Variants in HABP2 observed in about 807,000 individuals in gnomAD.
The protein encoded by HABP2 is hyaluronan binding protein 2.
Under a neutral mutation model 66.5 loss-of-function variants are expected in HABP2, and 65 were observed. The observed-to-expected ratio is 0.98, with a 90% CI of 0.80 to 1.20. The LOEUF (loss-of-function observed/expected upper bound fraction) is 1.20, where lower values mean the gene tolerates loss of function less well. Among genes scored for constraint, HABP2 ranks in the 50% most tolerant of loss-of-function variants. HABP2 has a pLI of 0.00. For missense variants in HABP2, 786 were observed against 691.0 expected, an observed-to-expected ratio of 1.14 and a Z score of -1.54; for synonymous variants, 263 against 253.9, an observed-to-expected ratio of 1.04 and a Z score of -0.34.
chr10:113,553,714 T>C (rs1398445898), intron 1 of HABP2, among the ~76,000 whole-genome samples: 1 of 152,246 alleles, frequency 6.6e-6, no homozygotes, highest in Non-Finnish European at 1.5e-5. Flanking sequence ...TTGTGTTTAG[T>C]ACTTTGTCTC....
At chr10:113,564,069 T>C (rs1479854674) in intron 1 of HABP2, among the ~76,000 whole-genome samples, 2 of 152,138 alleles carry the variant, frequency 1.3e-5, no homozygotes, top group East Asian at 1.9e-4. Context: ...AGAGGTTTAA[T>C]AGACTCACAG....
upstream of HABP2, among the ~76,000 whole-genome samples, chr10:113,552,130 T>A (rs1332400905): frequency 6.6e-6 from 1 of 152,022 alleles, no homozygotes; most frequent in African/African-American, 2.4e-5. Flanking sequence ...GCAGTCCACG[T>A]GCCAAACAGG....
Position 113,589,171 on chromosome 10 carries a change from G to A in HABP2, c.*802G>A, listed in dbSNP as rs906240762. ...CCACAGGACACGCTAAGAAGCACAG[G>A]GAGCATTTAACAGGCTCACCCTCCC... On this transcript the variant is annotated 3_prime_UTR_variant, in exon 13 of 13. Transcript: ENST00000351270. The A allele has an allele frequency of 2.9e-6, 3 of 1,025,416 alleles. No individual in the cohort carries two copies. The highest frequency in any genetic ancestry group is 3.2e-5 in the African/African-American group (2 of 62,944). The allele number at this position is 1,025,416 out of a possible 1,614,324, so 63.5% of individuals were successfully genotyped here. A position where few individuals can be genotyped will look rare whatever the true frequency, so the allele number is the denominator to read the frequency against.
At position 113,558,648 on chromosome 10, in the gene HABP2, C is replaced by T. The variant is rs867412427; in HGVS notation, c.69+5458C>T. Among the ~76,000 whole-genome samples, 22 of 152,196 alleles carry T rather than the reference C, an allele frequency of 1.4e-4. 1 individual carries two copies. Among genetic ancestry groups the T allele is most frequent in the African/African-American group, 4.6e-4 (19 of 41,450 alleles). ...CACCATCTCAATCAACTCAGATACC[C>T]GCAGTGGCTCACATCTGATGCCACG... On this transcript the variant is annotated intron_variant, in intron 1 of 12. Coordinates refer to ENST00000351270, the MANE Select transcript of HABP2 (RefSeq NM_004132.5).
At position 113,574,393 on chromosome 10, in the gene HABP2, G is replaced by A. The variant is rs774432854; in HGVS notation, c.211G>A (p.Glu71Lys). The A allele has an allele frequency of 3.3e-6, 5 of 1,520,818 alleles. No homozygotes were observed. The South Asian group carries it at 3.4e-5, about 10-fold the overall frequency. 94.2% of individuals were successfully genotyped at this position (1,520,818 alleles called of 1,614,324 possible). The part of the protein sequence containing the change: ...HAENPDWYYT[E>K]DQADPCQPNP... ...TGAGAATCCTGACTGGTACTACACT[G>A]AGGACCAAGCTGGTAGGTACCAAAT... is the stretch of plus-strand genomic sequence containing the variant. Residue 71 changes from glutamate (E) to lysine (K), a missense_variant, in exon 3 of 13, where the codon GAG becomes AAG. By Grantham distance (56) the Glu-to-Lys change is moderately conservative. Transcript: ENST00000351270.
In HABP2 at chr10:113,567,991, T is replaced by C. The variant is rs11575712; in HGVS notation, c.106+466T>C. 6.8e-3 allele frequency among the ~76,000 whole-genome samples: 1,040 copies of C among 152,342 alleles called. 8 individuals carry two copies. Among genetic ancestry groups the C allele is most frequent in the African/African-American group, 0.024 (988 of 41,578 alleles). ...GATACCCTCACACCAGCACCTCTGC[T>C]GTTGTCTTCTCTGCCCAAATGGTTT... On this transcript the variant is annotated intron_variant, in intron 2 of 12. Coordinates refer to ENST00000351270, the MANE Select transcript of HABP2 (RefSeq NM_004132.5).
chr10:113,589,296 C>A lies in HABP2; in HGVS notation c.*927C>A, dbSNP rs1422269528. The A allele has an allele frequency of 1.2e-5, 7 of 584,120 alleles. No individual in the cohort carries two copies. Among genetic ancestry groups the A allele is most frequent in the Non-Finnish European group, 1.8e-5 (6 of 330,798 alleles). The allele number at this position is 584,120 out of a possible 1,614,324, so 36.2% of individuals were successfully genotyped here. ...CTCATTTAGACCTGGCTTCTTTCTT[C>A]TGAACAAAGTAGGGTTCAAAATGCA... On this transcript the variant is annotated 3_prime_UTR_variant, in exon 13 of 13. Transcript: ENST00000351270.
chr10:113,566,310 C>T (rs1461341600), intron 1 of HABP2, among the ~76,000 whole-genome samples: 2 of 152,204 alleles, frequency 1.3e-5, no homozygotes, highest in African/African-American at 4.8e-5. Context: ...GGTTGTTTTC[C>T]AATAAAACTT....
chr10:113,552,554 C>G (rs961500070), upstream of HABP2, among the ~76,000 whole-genome samples: 1 of 152,170 alleles, frequency 6.6e-6, no homozygotes, highest in African/African-American at 2.4e-5. Flanking sequence ...AGCCAACAAG[C>G]AACTGTGGGC....
Position 113,577,160 on chromosome 10 carries a change from G to C in HABP2, c.342G>C (p.Thr114=). The part of the protein sequence containing the change: ...SGNKCQKVQN[T]CKDNPCGRGQ... ...ATGGATCTCCTACAGTGCAAAATAC[G>C]TGCAAGGACAACCCATGTGGCCGGG... is the stretch of plus-strand genomic sequence containing the variant. Residue 114 remains threonine (T), a synonymous_variant, in exon 5 of 13, where the codon ACG becomes ACC. Coordinates refer to ENST00000351270, the MANE Select transcript of HABP2 (RefSeq NM_004132.5). The C allele has an allele frequency of 6.3e-7, 1 of 1,598,724 alleles. No individual in the cohort carries two copies. Among genetic ancestry groups the C allele is most frequent in the African/African-American group, 1.3e-5 (1 of 74,670 alleles).
intron 12 of HABP2, among the ~76,000 whole-genome samples, chr10:113,586,360 C>G (rs1014009794): frequency 4.0e-5 from 6 of 151,392 alleles, no homozygotes; most frequent in Non-Finnish European, 8.8e-5. Context: ...TCCCAGTAAA[C>G]AGGGAACTGT....
chr10:113,589,064 C>G lies in HABP2; in HGVS notation c.*695C>G. On this transcript the variant is annotated 3_prime_UTR_variant, in exon 13 of 13. Transcript: ENST00000351270. ...CCACTCTGATGATCTCCAGCCTCCA[C>G]TGCTTCTGCCCCCCGCTGCTGAAAT... is the stretch of plus-strand genomic sequence containing the variant. 1 of 1,613,992 alleles carries G rather than the reference C, an allele frequency of 6.2e-7. No homozygotes were observed.
At chr10:113,563,560 G>GGGCCC (rs1845139252) in intron 1 of HABP2, among the ~76,000 whole-genome samples, 1 of 151,534 alleles carries the variant, frequency 6.6e-6, no homozygotes, top group Non-Finnish European at 1.5e-5. Context: ...GGCTCCCCGA[G>GGGCCC]AGCCCAGCCC....
In HABP2 at chr10:113,577,175, A is replaced by G. The variant is rs545833987; in HGVS notation, c.357A>G (p.Pro119=). Residue 119 remains proline, a synonymous_variant, in exon 5 of 13, where the codon CCA becomes CCG. Transcript: ENST00000351270. ...QKVQNTCKDN[P]CGRGQCLITQ... ...TGCAAAATACGTGCAAGGACAACCC[A>G]TGTGGCCGGGGCCAATGTCTCATTA... 2 of 1,610,764 alleles carry G rather than the reference A, an allele frequency of 1.2e-6. No homozygotes were observed. Among genetic ancestry groups the G allele is most frequent in the South Asian group, 1.1e-5 (1 of 91,018 alleles).
chr10:113,567,932 T>C (rs1490381939), intron 2 of HABP2, among the ~76,000 whole-genome samples: 1 of 152,210 alleles, frequency 6.6e-6, no homozygotes, highest in African/African-American at 2.4e-5. Context: ...CCTCTTTTTG[T>C]GCGAGGGCGG....
intron 2 of HABP2, chr10:113,572,730 A>AG (rs1377819905): frequency 1.3e-5 from 6 of 453,562 alleles, no homozygotes; most frequent in Non-Finnish European, 2.2e-5. Flanking sequence ...AGCCCTAAAA[A>AG]GGTGGCCTCC....
chr10:113,570,316 C>T (rs931367483), intron 2 of HABP2, among the ~76,000 whole-genome samples: 4 of 152,240 alleles, frequency 2.6e-5, no homozygotes, highest in African/African-American at 9.6e-5. Flanking sequence ...AAATACTCAA[C>T]ACATTATAAC....
At chr10:113,573,935 A>C (rs3740532) in intron 2 of HABP2, among the ~76,000 whole-genome samples, 1 of 152,104 alleles carries the variant, frequency 6.6e-6, no homozygotes, top group African/African-American at 2.4e-5. Flanking sequence ...CTAGGTCCCA[A>C]TCCTCTTCCT....
At position 113,575,926 on chromosome 10, in the gene HABP2, G is replaced by A. The variant is rs372177219; in HGVS notation, c.253G>A (p.Gly85Ser). ...ATGCCAGCCCAACCCCTGTGAACAC[G>A]GTGGGGACTGCCTCGTCCATGGGAG... ...DPCQPNPCEH[G>S]GDCLVHGSTF... The change falls in exon 4 of 13, where the codon GGT (glycine) becomes AGT (serine). Residue 85 changes from glycine to serine, a missense_variant. Gly to Ser is a moderately conservative substitution (Grantham distance 56). Transcript: ENST00000351270. 94 of 1,610,552 alleles carry A rather than the reference G, an allele frequency of 5.8e-5. 1 individual carries two copies. Among genetic ancestry groups the A allele is most frequent in the African/African-American group, 4.1e-4 (31 of 74,830 alleles).
Sources: gnomAD v4.1 joint callset for allele counts (sites outside exome capture counted in the v4.1 genomes callset) on GRCh38, gnomAD v4.1.1 for gene constraint, MANE v1.5 for transcripts, NCBI Gene and HGNC (gene_info 2026-07-23, HGNC 2026-07-21) for gene names.